The following USP1 variants were observed in gnomAD, a reference collection of about 807,000 sequenced individuals.
USP1 encodes the protein ubiquitin specific peptidase 1.
USP1 carries 18 observed loss-of-function variants against 72.2 expected under a neutral mutation model. The ratio of observed to expected loss-of-function variants is 0.25; its 90% CI spans 0.17 to 0.37. The LOEUF (loss-of-function observed/expected upper bound fraction) is 0.37, where lower values mean the gene tolerates loss of function less well. USP1 is among the 10% of genes least tolerant of loss of function. USP1 has a pLI of 1.00. For synonymous variants in USP1, 354 were observed against 303.7 expected (o/e 1.17, Z -1.72); for missense variants, 759 against 884.9 (o/e 0.86, Z 1.81).
chr1:62,441,343 G>C lies in USP1; in HGVS notation c.171-145G>C, dbSNP rs997413585. 9.9e-5 allele frequency: 98 copies of C among 990,958 alleles called. 1 individual carries two copies. In the South Asian group the frequency reaches 2.3e-3, roughly 24 times the overall value. 61.4% of individuals were successfully genotyped at this position (990,958 alleles called of 1,614,324 possible). A position where few individuals can be genotyped will look rare whatever the true frequency, so the allele number is the denominator to read the frequency against. ...TGGGCATATAGCAATTTTTGAGCCT[G>C]TATTTCTTAAAATGTCATCTGAACA... On this transcript the variant is annotated intron_variant, in intron 2 of 8. Transcript: ENST00000339950.
In USP1 at chr1:62,451,068, CTT is replaced by C; in HGVS notation, c.*90_*91del. ...TTACATCAAAGAATCTTTAGCTTAT[CTT>C]TTGAAGCTACTGGATATTATTGGTC... On this transcript the variant is annotated 3_prime_UTR_variant, in exon 9 of 9. Coordinates refer to ENST00000339950, the MANE Select transcript of USP1 (RefSeq NM_003368.5). 1 of 1,287,880 alleles carries C rather than the reference CTT, an allele frequency of 7.8e-7. No individual in the cohort carries two copies. The highest frequency in any genetic ancestry group is 1.0e-6 in the Non-Finnish European group (1 of 956,558). 79.8% of individuals were successfully genotyped at this position (1,287,880 alleles called of 1,614,324 possible).
intron 5 of USP1, 101 bp downstream of exon 5, chr1:62,443,420 G>T (rs991147919): frequency 5.2e-5 from 64 of 1,242,378 alleles, no homozygotes; most frequent in Non-Finnish European, 6.4e-5. Context: ...GGCAAGGAAA[G>T]TAGAAACTCT....
Position 62,439,858 on chromosome 1 carries a change from G to T in USP1, c.-10G>T, listed in dbSNP as rs1645120362. On this transcript the variant is annotated 5_prime_UTR_variant, in exon 2 of 9. Transcript: ENST00000339950. ...TAACTCTTGACACTCCTTGGGATTT[G>T]AAGAAAAAAATGCCTGGTGTCATAC... The T allele has an allele frequency of 7.2e-7, 1 of 1,387,368 alleles. No individual in the cohort carries two copies. The highest frequency in any genetic ancestry group is 9.4e-7 in the Non-Finnish European group (1 of 1,062,164). 85.9% of individuals were successfully genotyped at this position (1,387,368 alleles called of 1,614,324 possible). A position where few individuals can be genotyped will look rare whatever the true frequency, so the allele number is the denominator to read the frequency against.
intron 1 of USP1, among the ~76,000 whole-genome samples, 183 bp from the exon 2 acceptor site, chr1:62,439,616 G>GT (rs1259839643): frequency 1.3e-5 from 2 of 152,174 alleles, no homozygotes; most frequent in African/African-American, 4.8e-5. Context: ...TGTTCTTTAA[G>GT]AACAGTGTGG....
chr1:62,437,686 C>T (rs1231990659), intron 1 of USP1, among the ~76,000 whole-genome samples: 5 of 152,238 alleles, frequency 3.3e-5, no homozygotes, highest in African/African-American at 1.2e-4. Flanking sequence ...GACCGGGCAG[C>T]CTGGTCGCTG....
chr1:62,451,414 T>A lies in USP1; in HGVS notation c.*433T>A, dbSNP rs929303031. The A allele has an allele frequency of 9.7e-5, 15 of 154,864 alleles. No homozygotes were observed. Among genetic ancestry groups the A allele is most frequent in the Non-Finnish European group, 2.0e-4 (14 of 69,706 alleles). The allele number at this position is 154,864 out of a possible 1,614,324, so 9.6% of individuals were successfully genotyped here. A position where few individuals can be genotyped will look rare whatever the true frequency, so the allele number is the denominator to read the frequency against. ...TTCAGTACATTTAGTTTTATAAGAG[T>A]CATGAAGCTAAATCCTTGGGCTATG... On this transcript the variant is annotated 3_prime_UTR_variant, in exon 9 of 9. Transcript: ENST00000339950.
intron 5 of USP1, among the ~76,000 whole-genome samples, chr1:62,444,184 G>A (rs1057420242): frequency 6.6e-6 from 1 of 150,826 alleles, no homozygotes; most frequent in Non-Finnish European, 1.5e-5. Context: ...GCTTGAACCC[G>A]GGAGGCGGCG....
intron 4 of USP1, among the ~76,000 whole-genome samples, 149 bp from the exon 5 acceptor site, chr1:62,443,003 AAAAAAAT>A (rs1445227115): frequency 6.6e-6 from 1 of 152,292 alleles, no homozygotes; most frequent in Admixed American, 6.5e-5. Context: ...GTCTCAAAAT[AAAAAAAT>A]AAAAAATAAG....
At chr1:62,443,071 C>A in intron 4 of USP1, 88 bp from the exon 5 acceptor site, 5 of 1,368,838 alleles carry the variant, frequency 3.7e-6, no homozygotes, top group Non-Finnish European at 5.0e-6. Context: ...CTTAGAAAAT[C>A]TAGTATTCTT....
At chr1:62,449,483 C>T (rs1282294644) in intron 8 of USP1, among the ~76,000 whole-genome samples, 1 of 152,184 alleles carries the variant, frequency 6.6e-6, no homozygotes, top group East Asian at 1.9e-4. Flanking sequence ...GAGGGCTTCA[C>T]AGTAGCTCTC....
At chr1:62,438,420 C>T (rs1213646867) in intron 1 of USP1, among the ~76,000 whole-genome samples, 2 of 152,126 alleles carry the variant, frequency 1.3e-5, no homozygotes, top group African/African-American at 4.8e-5. Context: ...GATGGATCAG[C>T]TTTCCAGTGC....
intron 8 of USP1, 30 bp downstream of exon 8, chr1:62,448,696 G>T: frequency 6.3e-7 from 1 of 1,593,908 alleles, no homozygotes; most frequent in South Asian, 1.1e-5. Flanking sequence ...ACTATATGAA[G>T]AAAATGAGCT....
rs1233057997 is a variant in USP1, at chr1:62,450,744, T to C, written c.2121T>C (p.Thr707=). ...ENRNSETSDT[T]GTHESDRNKE... ...GAAATTCTGAGACTAGTGATACTAC[T>C]GGGACCCATGAATCTGATAGAAACA... The change falls in exon 9 of 9, where the codon ACT becomes ACC. Residue 707 remains threonine, a synonymous_variant. Transcript: ENST00000339950. 1 of 1,613,796 alleles carries C rather than the reference T, an allele frequency of 6.2e-7. No homozygotes were observed. The highest frequency in any genetic ancestry group is 8.5e-7 in the Non-Finnish European group (1 of 1,179,956).
intron 8 of USP1, 152 bp downstream of exon 8, chr1:62,448,818 T>A: frequency 1.3e-6 from 1 of 766,062 alleles, no homozygotes; most frequent in Non-Finnish European, 2.1e-6. Context: ...ATTAACAGTT[T>A]CCCTGTAAAA....
At chr1:62,440,163 A>G (rs1645122636) in intron 2 of USP1, 126 bp downstream of exon 2, 1 of 780,218 alleles carries the variant, frequency 1.3e-6, no homozygotes, top group South Asian at 4.5e-5. Flanking sequence ...TGTACTTCTT[A>G]GTCAAATCTA....
intron 4 of USP1, 86 bp downstream of exon 4, chr1:62,442,385 G>A: frequency 2.2e-6 from 2 of 921,084 alleles, no homozygotes; most frequent in East Asian, 2.7e-5. Flanking sequence ...AGAGGACTGG[G>A]GGGGTGGATG....
Position 62,450,432 on chromosome 1 carries a change from T to A in USP1, c.1809T>A (p.Leu603=). 2 of 1,614,130 alleles carry A rather than the reference T, an allele frequency of 1.2e-6. No individual in the cohort carries two copies. Among genetic ancestry groups the A allele is most frequent in the Non-Finnish European group, 1.7e-6 (2 of 1,180,024 alleles). ...CTGCTTCTGTTAAAGTCACTGACCT[T>A]AACAGTTTAGAACTAGATAAAGGAA... The part of the protein sequence containing the change: ...HYTASVKVTD[L]NSLELDKGNF... The change falls in exon 9 of 9, where the codon CTT becomes CTA. Residue 603 remains leucine (L), a synonymous_variant. Coordinates refer to ENST00000339950, the MANE Select transcript of USP1 (RefSeq NM_003368.5).
chr1:62,443,386 A>C, intron 5 of USP1, 67 bp downstream of exon 5: 1 of 1,429,730 alleles, frequency 7.0e-7, no homozygotes, highest in Non-Finnish European at 9.3e-7. Context: ...GAGGAGAATG[A>C]CATGCGAAGA....
At chr1:62,439,656 G>T in intron 1 of USP1, 143 bp from the exon 2 acceptor site, 2 of 415,266 alleles carry the variant, frequency 4.8e-6, no homozygotes. Flanking sequence ...AATAAATATT[G>T]AGTGCTTATT....
Sources: allele counts gnomAD v4.1 joint callset (sites outside exome capture counted in the v4.1 genomes callset), GRCh38; gene constraint gnomAD v4.1.1; transcripts MANE v1.5; gene names NCBI Gene and HGNC (gene_info 2026-07-23, HGNC 2026-07-21).